The following CYP19A1 variants were observed in gnomAD, a reference collection of about 807,000 sequenced individuals.
The protein encoded by CYP19A1 is aromatase.
In CYP19A1, 32 loss-of-function variants were observed where a neutral mutation model predicts 44.4. The observed-to-expected ratio is 0.72, with a 90% confidence interval of 0.54 to 0.97. The LOEUF is 0.97. Among genes scored for constraint, CYP19A1 ranks in the 50% least tolerant of loss-of-function variants. The pLI, the probability that CYP19A1 is intolerant of heterozygous loss-of-function variation, is 0.00. For synonymous variants in CYP19A1, 212 were observed against 215.6 expected (o/e 0.98, Z 0.14); for missense variants, 598 against 637.8 (o/e 0.94, Z 0.67).
intron 2 of CYP19A1, among the ~76,000 whole-genome samples, chr15:51,241,466 G>C (rs2033760832): frequency 6.6e-6 from 1 of 152,288 alleles, no homozygotes; most frequent in East Asian, 1.9e-4. Context: ...CTCCTGGCCT[G>C]ATTGTCTGCT....
chr15:51,315,218 C>T (rs1322790600), intron 1 of CYP19A1, among the ~76,000 whole-genome samples: 1 of 152,200 alleles, frequency 6.6e-6, no homozygotes, highest in Non-Finnish European at 1.5e-5. Context: ...CCACCACCGT[C>T]ACCCAGGCCT....
chr15:51,302,992 T>C (rs531899760), intron 1 of CYP19A1, among the ~76,000 whole-genome samples: 9 of 152,238 alleles, frequency 5.9e-5, no homozygotes, highest in Non-Finnish European at 1.3e-4. Flanking sequence ...GCTGGGAGTC[T>C]GCTTCTTCCT....
intron 9 of CYP19A1, among the ~76,000 whole-genome samples, chr15:51,211,478 CATCT>C (rs1312927819): frequency 3.3e-5 from 5 of 152,298 alleles, no homozygotes. Context: ...CAGTGCCAAG[CATCT>C]AACTATTTGT....
At position 51,209,467 on chromosome 15, in the gene CYP19A1, AAATATTTACCTATTTGT is replaced by A. The variant is rs2030718283; in HGVS notation, c.*1324_*1340del. 1 of 152,282 alleles carries A rather than the reference AAATATTTACCTATTTGT, an allele frequency of 6.6e-6. No homozygotes were observed. Among genetic ancestry groups the A allele is most frequent in the Non-Finnish European group, 1.5e-5 (1 of 68,032 alleles). 9.4% of individuals were successfully genotyped at this position (152,282 alleles called of 1,614,324 possible). A position where few individuals can be genotyped will look rare whatever the true frequency, so the allele number is the denominator to read the frequency against. On this transcript the variant is annotated 3_prime_UTR_variant, in exon 10 of 10. Coordinates refer to ENST00000396402, the MANE Select transcript of CYP19A1 (RefSeq NM_000103.4). ...ATGGGATGGCAATGGATTCAATGAC[AAATATTTACCTATTTGT>A]AAATAAGTTTAATTTTTTAGTTTTT...
At chr15:51,236,803 G>A in intron 3 of CYP19A1, 56 bp downstream of exon 3, 1 of 1,605,530 alleles carries the variant, frequency 6.2e-7, no homozygotes, top group Non-Finnish European at 8.5e-7. Context: ...TGTCTTAAGT[G>A]GAAAAAACTC....
chr15:51,278,732 C>T (rs28458810), intron 1 of CYP19A1, among the ~76,000 whole-genome samples: 15,947 of 152,158 alleles, frequency 0.1, 987 homozygotes, highest in African/African-American at 0.15. Context: ...TCTCTACCTT[C>T]TATTTTCTCT....
intron 1 of CYP19A1, among the ~76,000 whole-genome samples, chr15:51,297,840 A>C (rs28626662): frequency 1.0e-4 from 15 of 149,116 alleles, no homozygotes; most frequent in African/African-American, 3.8e-4. Context: ...ACACACACAC[A>C]CACACACACA....
At chr15:51,317,776 A>C (rs1244873427) in intron 1 of CYP19A1, among the ~76,000 whole-genome samples, 1 of 152,166 alleles carries the variant, frequency 6.6e-6, no homozygotes, top group Non-Finnish European at 1.5e-5. Context: ...TCTTGTTCCA[A>C]TGTACAAATG....
intron 5 of CYP19A1, chr15:51,222,138 G>A: frequency 1.3e-6 from 1 of 760,830 alleles, no homozygotes. Context: ...GATACAAAAG[G>A]CTAGTAGATG....
intron 1 of CYP19A1, among the ~76,000 whole-genome samples, chr15:51,300,917 G>A (rs142290259): frequency 6.8e-4 from 103 of 152,232 alleles, no homozygotes; most frequent in African/African-American, 2.4e-3. Flanking sequence ...ATTATTGAAG[G>A]CCAGCAAAAT....
intron 1 of CYP19A1, among the ~76,000 whole-genome samples, chr15:51,246,368 T>G (rs973898063): frequency 6.6e-6 from 1 of 152,104 alleles, no homozygotes; most frequent in African/African-American, 2.4e-5. Context: ...TTTTCTTGGG[T>G]CGCACCATTG....
rs938752327 is a variant in CYP19A1, at chr15:51,213,399, C to T, written c.1022-838G>A. Among the ~76,000 whole-genome samples, 5 of 152,166 alleles carry T rather than the reference C, an allele frequency of 3.3e-5. No homozygotes were observed. The East Asian group carries it at 9.6e-4, about 29-fold the overall frequency. On this transcript the variant is annotated intron_variant, in intron 8 of 9. Coordinates refer to ENST00000396402, the MANE Select transcript of CYP19A1 (RefSeq NM_000103.4). ...GCAGGATGAAAAATAGCCCAGGGTC[C>T]TGAGGCAGCCCTGTCTCATATACAA...
chr15:51,301,260 G>C (rs911013656), intron 1 of CYP19A1, among the ~76,000 whole-genome samples: 2 of 152,202 alleles, frequency 1.3e-5, no homozygotes, highest in South Asian at 4.1e-4. Flanking sequence ...TCCTCTCTCT[G>C]ATACCCTGAG....
At chr15:51,294,828 C>T (rs1324953044) in intron 1 of CYP19A1, among the ~76,000 whole-genome samples, 1 of 152,030 alleles carries the variant, frequency 6.6e-6, no homozygotes, top group Admixed American at 6.5e-5. Flanking sequence ...GTGTACCCAA[C>T]AGCTCATTGA....
At chr15:51,292,147 C>A (rs530793255) in intron 1 of CYP19A1, among the ~76,000 whole-genome samples, 1 of 152,214 alleles carries the variant, frequency 6.6e-6, no homozygotes, top group Non-Finnish European at 1.5e-5. Flanking sequence ...GGTGAAGGAA[C>A]TCTCCTTTGG....
At chr15:51,309,716 G>A (rs1486969625) in intron 1 of CYP19A1, among the ~76,000 whole-genome samples, 1 of 152,220 alleles carries the variant, frequency 6.6e-6, no homozygotes, top group Non-Finnish European at 1.5e-5. Flanking sequence ...AATGATAGAA[G>A]TTTCTAGAAG....
At chr15:51,288,855 G>A (rs141389357) in intron 1 of CYP19A1, among the ~76,000 whole-genome samples, 9 of 152,222 alleles carry the variant, frequency 5.9e-5, no homozygotes, top group East Asian at 1.9e-4. Context: ...CACCCATAGC[G>A]ACTAAACCAA....
At chr15:51,211,625 G>A (rs190251331) in intron 9 of CYP19A1, 108 of 421,934 alleles carry the variant, frequency 2.6e-4, no homozygotes, top group African/African-American at 1.3e-3. Flanking sequence ...TGGATTGCCC[G>A]TGTAGAAACA....
At chr15:51,296,881 A>G (rs1595767335) in intron 1 of CYP19A1, among the ~76,000 whole-genome samples, 1 of 152,364 alleles carries the variant, frequency 6.6e-6, no homozygotes, top group East Asian at 1.9e-4. Context: ...GACAATTTTA[A>G]GAAAAATGAA....
Sources: gnomAD v4.1 joint callset for allele counts (sites outside exome capture counted in the v4.1 genomes callset) on GRCh38, gnomAD v4.1.1 for gene constraint, MANE v1.5 for transcripts, NCBI Gene and HGNC (gene_info 2026-07-23, HGNC 2026-07-21) for gene names.